The following MFHAS1 variants were observed in gnomAD, a reference collection of about 807,000 sequenced individuals.
MFHAS1 encodes the protein malignant fibrous histiocytoma-amplified sequence 1.
MFHAS1 carries 50 observed loss-of-function variants against 70.4 expected under a neutral mutation model. The observed-to-expected ratio is 0.71, with a 90% CI of 0.57 to 0.90. MFHAS1 has a LOEUF of 0.90. Among genes scored for constraint, MFHAS1 ranks in the 40% least tolerant of loss-of-function variants. The pLI is 0.00. For missense variants in MFHAS1, 1,795 were observed against 1,347.6 expected (o/e 1.33, Z -5.20); for synonymous variants, 952 against 620.0 (o/e 1.54, Z -7.96).
At chr8:8,837,404 G>A (rs747080023) in intron 1 of MFHAS1, among the ~76,000 whole-genome samples, 1 of 152,178 alleles carries the variant, frequency 6.6e-6, no homozygotes, top group Non-Finnish European at 1.5e-5. Flanking sequence ...ACTTTGGGAG[G>A]CAAGGCGGGC....
In MFHAS1 at chr8:8,810,680, G is replaced by A. The variant is rs559178811; in HGVS notation, c.2999-13189C>T. Reference sequence around the variant, plus strand: ...TAAAACATACGAAATACATGCTGATGAACTACTGATGTTATCCGTTAAGGC... The same window carrying A: ...TAAAACATACGAAATACATGCTGATAAACTACTGATGTTATCCGTTAAGGC... On this transcript the variant is annotated intron_variant, in intron 1 of 2. Transcript: ENST00000276282. Among the ~76,000 whole-genome samples the A allele has an allele frequency of 3.3e-4, 51 of 152,310 alleles. 2 individuals carry two copies. The South Asian group carries it at 6.4e-3, about 19-fold the overall frequency.
chr8:8,788,184 C>T (rs928390840), intron 2 of MFHAS1, among the ~76,000 whole-genome samples: 1 of 152,200 alleles, frequency 6.6e-6, no homozygotes, highest in Non-Finnish European at 1.5e-5. Context: ...TTCCTATCTT[C>T]TCCAAAGAGG....
At chr8:8,797,735 T>C (rs1024145142) in intron 1 of MFHAS1, among the ~76,000 whole-genome samples, 11 of 152,174 alleles carry the variant, frequency 7.2e-5, no homozygotes, top group African/African-American at 2.4e-4. Context: ...AGGCCCACAC[T>C]AGACAAAGAC....
chr8:8,890,163 G>C lies in MFHAS1; in HGVS notation c.2896C>G (p.Leu966Val). ...GGCCATTCCTGAAGTAGGACATTCA[G>C]TTCCTCCACCAAGGGGGTTATGGCT... is the stretch of plus-strand genomic sequence containing the variant. ...WQAITPLVEE[L>V]NVLLQEWPGL... is the part of the protein sequence containing the mutation. Residue 966 changes from leucine to valine, a missense_variant, in exon 1 of 3, where the codon CTG (leucine) becomes GTG (valine). Transcript: ENST00000276282. 3 of 1,614,204 alleles carry C rather than the reference G, an allele frequency of 1.9e-6. No individual in the cohort carries two copies. The highest frequency in any genetic ancestry group is 2.5e-6 in the Non-Finnish European group (3 of 1,180,048).
At chr8:8,825,286 C>T (rs941040977) in intron 1 of MFHAS1, among the ~76,000 whole-genome samples, 4 of 152,218 alleles carry the variant, frequency 2.6e-5, no homozygotes, top group East Asian at 1.9e-4. Context: ...AATTCTCCGG[C>T]GTCAGCCTCC....
intron 1 of MFHAS1, among the ~76,000 whole-genome samples, chr8:8,882,867 A>C (rs1359020583): frequency 6.6e-6 from 1 of 152,178 alleles, no homozygotes; most frequent in East Asian, 1.9e-4. Flanking sequence ...GAAAAGCTGA[A>C]CCAGGCTGGG....
At chr8:8,829,658 G>A (rs1295164814) in intron 1 of MFHAS1, among the ~76,000 whole-genome samples, 1 of 152,186 alleles carries the variant, frequency 6.6e-6, no homozygotes, top group Non-Finnish European at 1.5e-5. Flanking sequence ...TTCAGCCTGG[G>A]CGAAAGAGTG....
rs60235815 is a variant in MFHAS1 at position 8,827,703 on chromosome 8, C to A, written c.2999-30212G>T. The stretch of plus-strand genomic sequence containing the variant: ...CCACATTTATGGAATTTTTGCCCAA[C>A]AGAACTTTAAATTTTCCTCATGAAA... On this transcript the variant is annotated intron_variant, in intron 1 of 2. Transcript: ENST00000276282. Among the ~76,000 whole-genome samples the A allele has an allele frequency of 3.0e-3, 464 of 152,252 alleles. 4 individuals are homozygous for A. Among genetic ancestry groups the A allele is most frequent in the African/African-American group, 0.011 (441 of 41,540 alleles).
chr8:8,819,608 C>CAAAAAAAAAAA (rs201326485), intron 1 of MFHAS1, among the ~76,000 whole-genome samples: 2 of 91,234 alleles, frequency 2.2e-5, no homozygotes, highest in African/African-American at 4.0e-5. Flanking sequence ...CAACTCAAAA[C>CAAAAAAAAAAA]AAAAAAAAAA....
At chr8:8,871,276 G>A (rs114552262) in intron 1 of MFHAS1, among the ~76,000 whole-genome samples, 2,662 of 152,274 alleles carry the variant, frequency 0.017, 61 homozygotes, top group Admixed American at 0.053. Context: ...GCAGCTGGGC[G>A]TGATGGCTCA....
intron 1 of MFHAS1, among the ~76,000 whole-genome samples, chr8:8,886,710 C>T (rs1326276669): frequency 6.6e-6 from 1 of 152,118 alleles, no homozygotes; most frequent in African/African-American, 2.4e-5. Flanking sequence ...TAAGAAAATT[C>T]AAAGTCCAAC....
At chr8:8,822,968 G>C (rs1375468902) in intron 1 of MFHAS1, among the ~76,000 whole-genome samples, 5 of 152,106 alleles carry the variant, frequency 3.3e-5, no homozygotes, top group Non-Finnish European at 1.5e-5. Flanking sequence ...GGGAAGGGAG[G>C]GTAACAGAGC....
intron 1 of MFHAS1, among the ~76,000 whole-genome samples, chr8:8,817,739 A>T (rs1806800665): frequency 6.6e-6 from 1 of 152,192 alleles, no homozygotes; most frequent in Non-Finnish European, 1.5e-5. Context: ...AAGCTGTTCC[A>T]CTTCAGATCA....
chr8:8,874,257 G>A (rs754255763), intron 1 of MFHAS1, among the ~76,000 whole-genome samples: 3 of 151,588 alleles, frequency 2.0e-5, no homozygotes, highest in Non-Finnish European at 4.4e-5. Flanking sequence ...AAGGTCTGCC[G>A]GTATAGGTGT....
intron 1 of MFHAS1, among the ~76,000 whole-genome samples, chr8:8,875,973 C>G (rs1361557470): frequency 6.6e-6 from 1 of 152,134 alleles, no homozygotes; most frequent in Non-Finnish European, 1.5e-5. Context: ...TCCACCTCTT[C>G]TATGAAGAAA....
chr8:8,817,804 A>C (rs1806803367), intron 1 of MFHAS1, among the ~76,000 whole-genome samples: 3 of 152,214 alleles, frequency 2.0e-5, no homozygotes, highest in Non-Finnish European at 1.5e-5. Context: ...CAGAATTCAC[A>C]ATAGAGTTCA....
intron 2 of MFHAS1, among the ~76,000 whole-genome samples, chr8:8,795,204 T>G (rs1805850400): frequency 6.6e-6 from 1 of 151,776 alleles, no homozygotes; most frequent in South Asian, 2.1e-4. Flanking sequence ...TTGCGGGGTA[T>G]TAAAAAAAAG....
intron 1 of MFHAS1, among the ~76,000 whole-genome samples, chr8:8,845,342 A>T (rs529972005): frequency 6.6e-6 from 1 of 152,232 alleles, no homozygotes; most frequent in Non-Finnish European, 1.5e-5. Flanking sequence ...CAATTGATGT[A>T]TCTGTGAAGC....
In MFHAS1 at chr8:8,892,795, G is replaced by A. The variant is rs745518133; in HGVS notation, c.264C>T (p.Ser88=). The A allele has an allele frequency of 5.0e-6, 8 of 1,585,244 alleles. No homozygotes were observed. The highest frequency in any genetic ancestry group is 6.9e-6 in the Non-Finnish European group (8 of 1,166,420). Residue 88 remains serine (S), a synonymous_variant, in exon 1 of 3, where the codon AGC becomes AGT. Transcript: ENST00000276282. The surrounding 1 kb of genome is among the most constrained non-coding windows in gnomAD (Gnocchi z 4.7). The stretch of plus-strand genomic sequence containing the variant: ...TCCTGCGCAGGACCAGGACGCGCAG[G>A]CTGCCCAGCGCCGACCCCAGCCCCT... ...VPEGLGSALG[S]LRVLVLRRNR... is the part of the protein sequence containing the mutation.
Sources: gnomAD v4.1 joint callset for allele counts (sites outside exome capture counted in the v4.1 genomes callset) on GRCh38, gnomAD v4.1.1 for gene constraint, Gnocchi (gnomAD v3.1) non-coding constraint, MANE v1.5 for transcripts, NCBI Gene and HGNC (gene_info 2026-07-23, HGNC 2026-07-21) for gene names.